DNAJC1: variants seen among roughly 807,000 people sequenced by gnomAD.
The protein encoded by DNAJC1 is dnaJ homolog subfamily C member 1.
DNAJC1 carries 58 observed loss-of-function variants against 76.6 expected under a neutral mutation model. That is an observed-to-expected ratio of 0.76 (90% CI 0.61 to 0.94). The LOEUF is 0.94. DNAJC1 is among the 40% of genes least tolerant of loss of function. The probability of loss-of-function intolerance (pLI) is 0.00; values close to 1 mark genes in which losing one functional copy is unlikely to be tolerated. For synonymous variants in DNAJC1, 258 were observed against 267.9 expected (o/e 0.96, Z 0.36); for missense variants, 689 against 677.3 (o/e 1.02, Z -0.19).
chr10:21,940,044 G>T (rs1008485966), intron 1 of DNAJC1, among the ~76,000 whole-genome samples: 16 of 151,598 alleles, frequency 1.1e-4, no homozygotes, highest in Admixed American at 1.1e-3. Context: ...GAGATTTAAA[G>T]GAAGTTGTCT....
intron 8 of DNAJC1, among the ~76,000 whole-genome samples, chr10:21,814,517 T>C (rs1281982681): frequency 1.3e-5 from 2 of 152,196 alleles, no homozygotes; most frequent in Non-Finnish European, 1.5e-5. Flanking sequence ...GCTGGTTCAC[T>C]TGGGAGATAA....
chr10:21,956,897 AT>A (rs772137685), intron 1 of DNAJC1, among the ~76,000 whole-genome samples: 1,702 of 134,646 alleles, frequency 0.013, 15 homozygotes, highest in African/African-American at 0.035. Context: ...TTATTTCTAG[AT>A]TTTTTTTTTT....
At chr10:21,999,348 C>CT (rs1474689521) in intron 1 of DNAJC1, among the ~76,000 whole-genome samples, 2 of 151,832 alleles carry the variant, frequency 1.3e-5, no homozygotes, top group Non-Finnish European at 2.9e-5. Context: ...CTTTGAAACA[C>CT]TTTTTTCACT....
At chr10:21,866,134 C>CAAA (rs1306930222) in intron 8 of DNAJC1, among the ~76,000 whole-genome samples, 25 of 34,012 alleles carry the variant, frequency 7.4e-4, no homozygotes, top group African/African-American at 1.2e-3. Context: ...GACTTCAACT[C>CAAA]AAAAAAAAAA....
Position 21,756,593 on chromosome 10 carries a change from G to A in DNAJC1, c.*94C>T, listed in dbSNP as rs1021230197. 1.8e-5 allele frequency: 15 copies of A among 837,956 alleles called. No individual in the cohort carries two copies. The highest frequency in any genetic ancestry group is 2.4e-5 in the Non-Finnish European group (12 of 495,348). 51.9% of individuals were successfully genotyped at this position (837,956 alleles called of 1,614,324 possible). A position where few individuals can be genotyped will look rare whatever the true frequency, so the allele number is the denominator to read the frequency against. ...ATTTTTTTTTACTAAGGCACATGAC[G>A]TAGAAATATTGAGGTACAAAATGCA... is the stretch of plus-strand genomic sequence containing the variant. On this transcript the variant is annotated 3_prime_UTR_variant, in exon 12 of 12. Coordinates refer to ENST00000376980, the MANE Select transcript of DNAJC1 (RefSeq NM_022365.4).
At chr10:21,772,385 T>G (rs1351609036) in intron 9 of DNAJC1, among the ~76,000 whole-genome samples, 1 of 149,962 alleles carries the variant, frequency 6.7e-6, no homozygotes, top group Non-Finnish European at 1.5e-5. Context: ...TTTTGATAAC[T>G]AATTCAACCT....
At chr10:21,773,803 ATTT>A (rs201344852) in intron 9 of DNAJC1, among the ~76,000 whole-genome samples, 7 of 140,062 alleles carry the variant, frequency 5.0e-5, no homozygotes, top group Admixed American at 1.4e-4. Context: ...CTCTTTATTA[ATTT>A]TTTTTTTTTT....
intron 9 of DNAJC1, among the ~76,000 whole-genome samples, chr10:21,786,949 C>G (rs1227227182): frequency 6.6e-6 from 1 of 152,096 alleles, no homozygotes; most frequent in Non-Finnish European, 1.5e-5. Flanking sequence ...ATAATATTAA[C>G]AACCTTATGC....
chr10:21,993,313 C>T (rs1838357787), intron 1 of DNAJC1, among the ~76,000 whole-genome samples: 1 of 152,198 alleles, frequency 6.6e-6, no homozygotes, highest in South Asian at 2.1e-4. Flanking sequence ...GCAGTGCTTT[C>T]CCAACCTCTT....
intron 6 of DNAJC1, among the ~76,000 whole-genome samples, chr10:21,905,847 T>G (rs918813558): frequency 6.6e-5 from 10 of 152,228 alleles, no homozygotes; most frequent in Non-Finnish European, 1.3e-4. Context: ...AGAATAACTC[T>G]AGGGTAACAT....
At chr10:21,920,557 G>A (rs1241272032) in intron 4 of DNAJC1, 1 of 305,932 alleles carries the variant, frequency 3.3e-6, no homozygotes, top group Admixed American at 5.0e-5. Flanking sequence ...TTCCCAGCTA[G>A]ATATTTGGGC....
intron 8 of DNAJC1, among the ~76,000 whole-genome samples, chr10:21,840,213 A>T (rs559127459): frequency 1.3e-5 from 2 of 152,314 alleles, no homozygotes; most frequent in Admixed American, 1.3e-4. Flanking sequence ...GCCCTCTCTC[A>T]CCACTCCTAG....
At chr10:21,809,667 T>A (rs1199151108) in intron 8 of DNAJC1, among the ~76,000 whole-genome samples, 1 of 151,970 alleles carries the variant, frequency 6.6e-6, no homozygotes, top group African/African-American at 2.4e-5. Flanking sequence ...TGTCTAATAA[T>A]CTAATTATCT....
At chr10:21,851,452 T>C (rs1379744200) in intron 8 of DNAJC1, among the ~76,000 whole-genome samples, 1 of 152,136 alleles carries the variant, frequency 6.6e-6, no homozygotes, top group African/African-American at 2.4e-5. Context: ...AGGGTGGCTA[T>C]AACAATCACA....
At chr10:21,852,278 T>C (rs893391518) in intron 8 of DNAJC1, among the ~76,000 whole-genome samples, 2 of 151,934 alleles carry the variant, frequency 1.3e-5, no homozygotes, top group Non-Finnish European at 2.9e-5. Flanking sequence ...GGTAAATTCA[T>C]AGAGACAAAA....
intron 9 of DNAJC1, 57 bp from the exon 10 acceptor site, chr10:21,766,366 G>A: frequency 7.7e-7 from 1 of 1,297,382 alleles, no homozygotes; most frequent in Non-Finnish European, 1.1e-6. Flanking sequence ...TATATGCTGA[G>A]TGAAACGATT....
intron 1 of DNAJC1, among the ~76,000 whole-genome samples, chr10:21,953,343 A>G (rs976437899): frequency 6.6e-6 from 1 of 151,968 alleles, no homozygotes; most frequent in African/African-American, 2.4e-5. Flanking sequence ...TAGATATGCA[A>G]ATCATTTATA....
At chr10:21,979,185 G>A (rs1031243613) in intron 1 of DNAJC1, among the ~76,000 whole-genome samples, 16 of 151,714 alleles carry the variant, frequency 1.1e-4, no homozygotes, top group South Asian at 2.1e-4. Context: ...TCTATTAGAC[G>A]TGCCTTCTAT....
intron 1 of DNAJC1, among the ~76,000 whole-genome samples, chr10:21,944,715 T>C (rs1455511957): frequency 6.6e-6 from 1 of 152,190 alleles, no homozygotes; most frequent in East Asian, 1.9e-4. Context: ...AGTCAAATCA[T>C]GTTGTACACC....
Sources: allele counts gnomAD v4.1 joint callset (sites outside exome capture counted in the v4.1 genomes callset), GRCh38; gene constraint gnomAD v4.1.1; transcripts MANE v1.5; gene names NCBI Gene and HGNC (gene_info 2026-07-23, HGNC 2026-07-21).